The following ASAP1 variants were observed in gnomAD, a reference collection of about 807,000 sequenced individuals.
ASAP1 encodes the protein ArfGAP with SH3 domain, ankyrin repeat and PH domain 1, also known as arf-GAP with SH3 domain, ANK repeat and PH domain-containing protein 1.
Under a neutral mutation model 145.2 loss-of-function variants are expected in ASAP1, and 43 were observed. That is an observed-to-expected ratio of 0.30 (90% confidence interval 0.23 to 0.38). The LOEUF is 0.38. Ranked by LOEUF, ASAP1 falls within the 10% of genes least tolerant of loss-of-function variation. The pLI is 1.00. For missense variants in ASAP1, 1,018 were observed against 1,355.3 expected (o/e 0.75, Z 3.91); for synonymous variants, 546 against 515.5 (o/e 1.06, Z -0.80).
intron 3 of ASAP1, among the ~76,000 whole-genome samples, chr8:130,271,595 T>A (rs1472905305): frequency 1.3e-5 from 2 of 152,206 alleles, no homozygotes; most frequent in Non-Finnish European, 2.9e-5. Context: ...TCTCCCTATT[T>A]CTTGGTCTTT....
At chr8:130,239,497 A>T (rs1818402184) in intron 3 of ASAP1, among the ~76,000 whole-genome samples, 1 of 152,102 alleles carries the variant, frequency 6.6e-6, no homozygotes, top group African/African-American at 2.4e-5. Flanking sequence ...TTATCTTCTA[A>T]CCACTACCTA....
At chr8:130,326,793 C>T (rs776157821) in intron 3 of ASAP1, among the ~76,000 whole-genome samples, 6 of 152,208 alleles carry the variant, frequency 3.9e-5, no homozygotes, top group Non-Finnish European at 5.9e-5. Flanking sequence ...TTTAATGCTT[C>T]TCTCCACATT....
chr8:130,230,272 G>A (rs796441233), intron 4 of ASAP1, among the ~76,000 whole-genome samples: 25 of 152,086 alleles, frequency 1.6e-4, no homozygotes, highest in African/African-American at 5.8e-4. Context: ...GCAAAACGGA[G>A]GAAGTGCATA....
intron 3 of ASAP1, among the ~76,000 whole-genome samples, chr8:130,344,383 T>A (rs932341492): frequency 2.0e-5 from 3 of 152,180 alleles, no homozygotes; most frequent in Non-Finnish European, 1.5e-5. Flanking sequence ...TTCAGGTTTA[T>A]TTTTTTCAAG....
rs555382642 is a variant in ASAP1, at chr8:130,439,738, G to A, written c.-28+3722C>T. Among the ~76,000 whole-genome samples, 5 of 152,324 alleles carry A rather than the reference G, an allele frequency of 3.3e-5. No homozygotes were observed. In the East Asian group the frequency reaches 7.7e-4, roughly 24 times the overall value. Reference sequence around the variant, plus strand: ...CTGGGAGAGAGGAAGAGCATCCCCCGCAGGGGGAAGAACGTAAGCAGACAC... The same window carrying A: ...CTGGGAGAGAGGAAGAGCATCCCCCACAGGGGGAAGAACGTAAGCAGACAC... On this transcript the variant is annotated intron_variant, in intron 1 of 29. Coordinates refer to ENST00000518721, the MANE Select transcript of ASAP1 (RefSeq NM_018482.4).
At chr8:130,086,737 G>A (rs2097494114) in intron 25 of ASAP1, among the ~76,000 whole-genome samples, 1 of 152,194 alleles carries the variant, frequency 6.6e-6, no homozygotes, top group South Asian at 2.1e-4. Flanking sequence ...CTGTGAGGTG[G>A]AGGCTGCAGT....
chr8:130,142,870 G>A (rs1222670972), intron 13 of ASAP1, among the ~76,000 whole-genome samples: 1 of 152,046 alleles, frequency 6.6e-6, no homozygotes, highest in African/African-American at 2.4e-5. Context: ...TCTATTTCAC[G>A]GTGGGGTGGT....
intron 3 of ASAP1, among the ~76,000 whole-genome samples, chr8:130,254,280 A>C (rs1819383114): frequency 6.6e-6 from 1 of 152,192 alleles, no homozygotes; most frequent in South Asian, 2.1e-4. Context: ...TTAATTAATA[A>C]ATTCAGGAAA....
chr8:130,222,643 A>G (rs1244043037), intron 4 of ASAP1, among the ~76,000 whole-genome samples: 1 of 152,248 alleles, frequency 6.6e-6, no homozygotes, highest in Admixed American at 6.5e-5. Flanking sequence ...AAAAAGGTGA[A>G]TAAGACAAGA....
intron 2 of ASAP1, among the ~76,000 whole-genome samples, chr8:130,392,476 A>G (rs1429193558): frequency 1.3e-5 from 2 of 152,240 alleles, no homozygotes; most frequent in Non-Finnish European, 2.9e-5. Context: ...TTTAGTAAGC[A>G]CCTAATATGT....
intron 3 of ASAP1, among the ~76,000 whole-genome samples, chr8:130,350,076 A>T (rs1313032158): frequency 6.6e-6 from 1 of 152,232 alleles, no homozygotes; most frequent in Non-Finnish European, 1.5e-5. Flanking sequence ...GCTTCTAATG[A>T]AAGGCTGCTA....
Position 130,382,768 on chromosome 8 carries a change from A to G in ASAP1, c.59+19117T>C, listed in dbSNP as rs530228824. Among the ~76,000 whole-genome samples, 66 of 151,942 alleles carry G rather than the reference A, an allele frequency of 4.3e-4. 1 individual carries two copies. The highest frequency in any genetic ancestry group is 4.6e-4 in the Non-Finnish European group (31 of 67,920). On this transcript the variant is annotated intron_variant, in intron 2 of 29. Transcript: ENST00000518721. ...GCTGAGGCAGGAGAATTGCTTGAAC[A>G]TGGGAGGTGGAGGTTGCAGTGAGCT...
At chr8:130,388,663 C>T (rs1166475857) in intron 2 of ASAP1, among the ~76,000 whole-genome samples, 2 of 152,158 alleles carry the variant, frequency 1.3e-5, no homozygotes, top group Admixed American at 6.5e-5. Flanking sequence ...AAATCCAAGC[C>T]GGCTTGGTGT....
intron 3 of ASAP1, among the ~76,000 whole-genome samples, chr8:130,301,655 A>G (rs1473915893): frequency 2.9e-4 from 44 of 152,256 alleles, no homozygotes; most frequent in Admixed American, 2.8e-3. Flanking sequence ...GCAACCAGAA[A>G]TAACTAATGT....
chr8:130,077,509 T>A (rs369270890), intron 26 of ASAP1, among the ~76,000 whole-genome samples: 2 of 149,740 alleles, frequency 1.3e-5, no homozygotes, highest in African/African-American at 4.9e-5. Flanking sequence ...TCCCCTGATG[T>A]CCTAAGAGTT....
Position 130,127,970 on chromosome 8 carries a change from C to T in ASAP1, c.1338G>A (p.Gln446=). Residue 446 remains glutamine (Q), a synonymous_variant, in exon 16 of 30, where the codon CAG becomes CAA. Coordinates refer to ENST00000518721, the MANE Select transcript of ASAP1 (RefSeq NM_018482.4). ...DLTKAIIEDV[Q]RLPGNDICCD... is the part of the protein sequence containing the mutation. ...AGCAAATGTCATTCCCTGGGAGCCG[C>T]TGGACATCCTCAATAATGGCTTTTG... 6.2e-7 allele frequency: 1 copy of T among 1,614,082 alleles called. No homozygotes were observed.
chr8:130,055,974 G>A (rs936061237), intron 29 of ASAP1, among the ~76,000 whole-genome samples: 6 of 152,294 alleles, frequency 3.9e-5, no homozygotes, highest in East Asian at 3.9e-4. Flanking sequence ...GGCGAGGCAC[G>A]TAATGGTGGC....
At chr8:130,415,910 C>A (rs1041916782) in intron 1 of ASAP1, among the ~76,000 whole-genome samples, 8 of 152,158 alleles carry the variant, frequency 5.3e-5, no homozygotes, top group African/African-American at 1.9e-4. Flanking sequence ...CACCACTGTT[C>A]CAGTCCTCAA....
chr8:130,221,890 T>C (rs1817313168), intron 4 of ASAP1, among the ~76,000 whole-genome samples: 2 of 152,336 alleles, frequency 1.3e-5, no homozygotes, highest in South Asian at 2.1e-4. Context: ...GAAATTATAA[T>C]GGCATTTACC....
Sources: allele counts gnomAD v4.1 joint callset (sites outside exome capture counted in the v4.1 genomes callset), GRCh38; gene constraint gnomAD v4.1.1; transcripts MANE v1.5; gene names NCBI Gene and HGNC (gene_info 2026-07-23, HGNC 2026-07-21).